The following RHOA variants were observed in gnomAD, a reference collection of about 807,000 sequenced individuals.
The protein encoded by RHOA is transforming protein RhoA.
RHOA carries 3 observed loss-of-function variants against 17.5 expected under a neutral mutation model. The observed-to-expected ratio is 0.17, with a 90% CI of 0.08 to 0.44. The LOEUF is 0.44. Ranked by LOEUF, RHOA falls within the 20% of genes least tolerant of loss-of-function variation. RHOA has a pLI of 0.99. For synonymous variants in RHOA, 98 were observed against 88.4 expected (o/e 1.11, Z -0.61); for missense variants, 56 against 242.3 (o/e 0.23, Z 5.10).
chr3:49,403,117 G>A (rs898727699), intron 1 of RHOA, among the ~76,000 whole-genome samples: 6 of 151,816 alleles, frequency 4.0e-5, no homozygotes, highest in East Asian at 1.9e-4. Context: ...AGAGGCAGGC[G>A]GATCACAAGA....
chr3:49,395,168 G>A (rs373180295), intron 1 of RHOA, among the ~76,000 whole-genome samples: 21 of 150,782 alleles, frequency 1.4e-4, no homozygotes, highest in Non-Finnish European at 2.7e-4. Context: ...GGAGAATGAC[G>A]TGAACCCGGG....
chr3:49,382,222 G>A (rs2048329624), intron 1 of RHOA, among the ~76,000 whole-genome samples: 1 of 152,038 alleles, frequency 6.6e-6, no homozygotes, highest in Non-Finnish European at 1.5e-5. Context: ...AGGAGGCTGA[G>A]GCATGAGAAT....
intron 1 of RHOA, among the ~76,000 whole-genome samples, chr3:49,389,290 G>A (rs1420166090): frequency 6.6e-6 from 1 of 151,972 alleles, no homozygotes; most frequent in African/African-American, 2.4e-5. Flanking sequence ...GCTCCAGCCT[G>A]GGCGACAAAG....
At chr3:49,387,390 G>A (rs1305000972) in intron 1 of RHOA, among the ~76,000 whole-genome samples, 1 of 146,762 alleles carries the variant, frequency 6.8e-6, no homozygotes, top group Non-Finnish European at 1.5e-5. Flanking sequence ...GTTGCAATGA[G>A]CCGAGATCGT....
intron 2 of RHOA, among the ~76,000 whole-genome samples, chr3:49,369,037 T>TTTG (rs1553632065): frequency 2.2e-4 from 21 of 94,880 alleles, no homozygotes; most frequent in African/African-American, 8.1e-4. Flanking sequence ...TTTTTTTTTT[T>TTTG]TTGTTGAGAC....
chr3:49,395,433 G>A (rs1036165257), intron 1 of RHOA, among the ~76,000 whole-genome samples: 4 of 152,068 alleles, frequency 2.6e-5, no homozygotes, highest in Non-Finnish European at 4.4e-5. Context: ...AAGCCTGGCC[G>A]GGCACGGCTG....
chr3:49,391,360 C>G (rs1252797332), intron 1 of RHOA, among the ~76,000 whole-genome samples: 2 of 151,270 alleles, frequency 1.3e-5, no homozygotes, highest in South Asian at 4.2e-4. Context: ...CCACTGCACT[C>G]CAACTTGAGC....
chr3:49,397,201 G>C (rs1253050643), intron 1 of RHOA, among the ~76,000 whole-genome samples: 2 of 148,978 alleles, frequency 1.3e-5, no homozygotes, highest in African/African-American at 2.5e-5. Flanking sequence ...TTGCATAAAT[G>C]AAAGAAGCCA....
At chr3:49,360,451 C>T in intron 4 of RHOA, 69 bp from the exon 5 acceptor site, 1 of 1,464,772 alleles carries the variant, frequency 6.8e-7, no homozygotes, top group Non-Finnish European at 9.2e-7. Flanking sequence ...AAAAAGTATT[C>T]AAATTCATCT....
chr3:49,378,287 C>T (rs1461240149), intron 1 of RHOA, among the ~76,000 whole-genome samples: 1 of 144,660 alleles, frequency 6.9e-6, no homozygotes, highest in Admixed American at 6.9e-5. Flanking sequence ...CACTCTGTCA[C>T]CCAGGCTGGA....
At chr3:49,383,141 T>A (rs1261249842) in intron 1 of RHOA, among the ~76,000 whole-genome samples, 1 of 151,946 alleles carries the variant, frequency 6.6e-6, no homozygotes, top group Non-Finnish European at 1.5e-5. Context: ...TCTTGAGAAA[T>A]AATCTCTTTC....
intron 2 of RHOA, 39 bp downstream of exon 2, chr3:49,375,395 A>G (rs2048210424): frequency 1.7e-5 from 26 of 1,575,016 alleles, no homozygotes; most frequent in Non-Finnish European, 2.2e-5. Context: ...ATATTCTAAC[A>G]TGGAAAATGG....
intron 1 of RHOA, among the ~76,000 whole-genome samples, chr3:49,391,776 G>A (rs984825214): frequency 4.6e-5 from 7 of 150,866 alleles, no homozygotes; most frequent in Admixed American, 2.0e-4. Context: ...CTCCCAAAGT[G>A]CTGGGATTAC....
At chr3:49,372,821 T>C (rs1415747570) in intron 2 of RHOA, among the ~76,000 whole-genome samples, 1 of 151,700 alleles carries the variant, frequency 6.6e-6, no homozygotes, top group African/African-American at 2.4e-5. Flanking sequence ...GCTTTGGTGC[T>C]GCCAAACATT....
At chr3:49,410,005 A>C (rs983322887) in intron 1 of RHOA, among the ~76,000 whole-genome samples, 5 of 152,224 alleles carry the variant, frequency 3.3e-5, no homozygotes, top group Non-Finnish European at 5.9e-5. Flanking sequence ...ACCCTCGTAC[A>C]TTCATCTATC....
intron 1 of RHOA, among the ~76,000 whole-genome samples, chr3:49,409,546 G>C (rs573532957): frequency 7.2e-5 from 11 of 152,216 alleles, no homozygotes; most frequent in African/African-American, 2.6e-4. Flanking sequence ...AGCTCTCTTA[G>C]AAGCTGATCA....
chr3:49,371,881 T>C (rs2048152201), intron 2 of RHOA, among the ~76,000 whole-genome samples: 1 of 152,186 alleles, frequency 6.6e-6, no homozygotes, highest in South Asian at 2.1e-4. Flanking sequence ...AGAAATAATG[T>C]TTCCAAGAGA....
rs2047936484 is a variant in RHOA at position 49,360,080 on chromosome 3, G to A, written c.*129C>T. 6 of 1,077,784 alleles carry A rather than the reference G, an allele frequency of 5.6e-6. No individual in the cohort carries two copies. The Admixed American group carries it at 1.3e-4, about 24-fold the overall frequency. 66.8% of individuals were successfully genotyped at this position (1,077,784 alleles called of 1,614,324 possible). On this transcript the variant is annotated 3_prime_UTR_variant, in exon 5 of 5. Coordinates refer to ENST00000418115, the MANE Select transcript of RHOA (RefSeq NM_001664.4). Reference sequence around the variant, plus strand: ...CATAGTTGGCTTCTAAATACTGGTAGCAAGATGACTTCTGATTTGTAATCT... The same window carrying A: ...CATAGTTGGCTTCTAAATACTGGTAACAAGATGACTTCTGATTTGTAATCT...
chr3:49,359,910 CTG>C lies in RHOA; in HGVS notation c.*297_*298del, dbSNP rs2047932272. On this transcript the variant is annotated 3_prime_UTR_variant, in exon 5 of 5. Transcript: ENST00000418115. ...CAGCCTAATTCACAAAAGTTACCAA[CTG>C]TTTCTCTTTCTAGAAAGAAGCAAGA... 2.8e-6 allele frequency: 1 copy of C among 353,316 alleles called. No individual in the cohort carries two copies. Among genetic ancestry groups the C allele is most frequent in the Admixed American group, 4.5e-5 (1 of 22,400 alleles). The allele number at this position is 353,316 out of a possible 1,614,324, so 21.9% of individuals were successfully genotyped here. A position where few individuals can be genotyped will look rare whatever the true frequency, so the allele number is the denominator to read the frequency against.
Sources: allele counts gnomAD v4.1 joint callset (sites outside exome capture counted in the v4.1 genomes callset), GRCh38; gene constraint gnomAD v4.1.1; transcripts MANE v1.5; gene names NCBI Gene and HGNC (gene_info 2026-07-23, HGNC 2026-07-21).